Variants in SEMA3E observed in about 807,000 individuals in gnomAD.
The protein encoded by SEMA3E is semaphorin 3E, also known as semaphorin-3E.
In SEMA3E, 49 loss-of-function variants were observed where a neutral mutation model predicts 93.6. That is an observed-to-expected ratio of 0.52 (90% CI 0.42 to 0.66). The LOEUF (loss-of-function observed/expected upper bound fraction) is 0.66. SEMA3E is among the 30% of genes least tolerant of loss of function. SEMA3E has a pLI of 0.00. For synonymous variants in SEMA3E, 363 were observed against 330.7 expected, an observed-to-expected ratio of 1.10 and a Z score of -1.06; for missense variants, 906 against 964.8, an observed-to-expected ratio of 0.94 and a Z score of 0.81.
chr7:83,514,542 T>C (rs1790889733), intron 1 of SEMA3E, among the ~76,000 whole-genome samples: 1 of 152,114 alleles, frequency 6.6e-6, no homozygotes. Flanking sequence ...TGTTGGTTTT[T>C]AAAAAAAGAT....
At chr7:83,586,661 C>A (rs1219058804) in intron 1 of SEMA3E, among the ~76,000 whole-genome samples, 1 of 151,410 alleles carries the variant, frequency 6.6e-6, no homozygotes, top group African/African-American at 2.4e-5. Context: ...CCAAGACAAG[C>A]AGAAGAAGGG....
chr7:83,540,429 G>T (rs1401151777), intron 1 of SEMA3E, among the ~76,000 whole-genome samples: 2 of 152,020 alleles, frequency 1.3e-5, no homozygotes, highest in Non-Finnish European at 2.9e-5. Context: ...ATTGCTCTAA[G>T]AACATATATG....
chr7:83,539,713 A>G (rs1791478162), intron 1 of SEMA3E, among the ~76,000 whole-genome samples: 1 of 152,124 alleles, frequency 6.6e-6, no homozygotes, highest in Admixed American at 6.6e-5. Flanking sequence ...ATTTCTGCTA[A>G]GTTATCCTTC....
intron 16 of SEMA3E, among the ~76,000 whole-genome samples, chr7:83,378,871 T>C (rs1787714369): frequency 6.6e-6 from 1 of 151,806 alleles, no homozygotes; most frequent in South Asian, 2.1e-4. Flanking sequence ...AGGATTACCA[T>C]TCAATCTGGC....
At chr7:83,594,957 A>G (rs1424094714) in intron 1 of SEMA3E, among the ~76,000 whole-genome samples, 2 of 150,696 alleles carry the variant, frequency 1.3e-5, no homozygotes, top group East Asian at 4.0e-4. Flanking sequence ...CTTCTGGGAA[A>G]AAAAAAAAAA....
chr7:83,611,133 C>T (rs1793245616), intron 1 of SEMA3E, among the ~76,000 whole-genome samples: 2 of 151,016 alleles, frequency 1.3e-5, no homozygotes, highest in South Asian at 4.2e-4. Flanking sequence ...CTCTGCATCT[C>T]TATGGCAGCC....
rs548939711 is a variant in SEMA3E, at chr7:83,421,928, A to G, written c.457-3445T>C. On this transcript the variant is annotated intron_variant, in intron 4 of 16. Coordinates refer to ENST00000643230, the MANE Select transcript of SEMA3E (RefSeq NM_012431.3). ...CACGGTGGCTCACGCCTGTAATCCC[A>G]GCACTTTGGGAGGCCGAGGAAGGCA... Among the ~76,000 whole-genome samples, 11 of 152,344 alleles carry G rather than the reference A, an allele frequency of 7.2e-5. No homozygotes were observed. In the East Asian group the frequency reaches 2.1e-3, roughly 29 times the overall value.
At chr7:83,532,525 G>T (rs1791322129) in intron 1 of SEMA3E, among the ~76,000 whole-genome samples, 1 of 152,068 alleles carries the variant, frequency 6.6e-6, no homozygotes, top group African/African-American at 2.4e-5. Context: ...ACAGTACAGC[G>T]GGATGTAACC....
At chr7:83,629,656 C>T (rs1584375318) in intron 1 of SEMA3E, among the ~76,000 whole-genome samples, 1 of 152,242 alleles carries the variant, frequency 6.6e-6, no homozygotes, top group Admixed American at 6.5e-5. Flanking sequence ...GCTTGAGTGT[C>T]CCAGGTCACC....
At chr7:83,561,859 A>G (rs1792035832) in intron 1 of SEMA3E, among the ~76,000 whole-genome samples, 1 of 152,156 alleles carries the variant, frequency 6.6e-6, no homozygotes, top group African/African-American at 2.4e-5. Flanking sequence ...TTTAGCTTAG[A>G]TGAGTGTGAA....
At chr7:83,638,742 G>C (rs1387659862) in intron 1 of SEMA3E, among the ~76,000 whole-genome samples, 1 of 152,034 alleles carries the variant, frequency 6.6e-6, no homozygotes, top group East Asian at 1.9e-4. Context: ...CTTTTTTGTA[G>C]CATCCTTCCA....
chr7:83,499,611 G>C (rs1790556886), intron 1 of SEMA3E, among the ~76,000 whole-genome samples: 1 of 152,144 alleles, frequency 6.6e-6, no homozygotes, highest in African/African-American at 2.4e-5. Context: ...TCATGGCTGA[G>C]AGATGAAGGA....
At chr7:83,623,409 C>T (rs1445969142) in intron 1 of SEMA3E, among the ~76,000 whole-genome samples, 2 of 152,020 alleles carry the variant, frequency 1.3e-5, no homozygotes, top group Non-Finnish European at 2.9e-5. Flanking sequence ...AACATGAACC[C>T]ATTCTTATAA....
intron 4 of SEMA3E, among the ~76,000 whole-genome samples, chr7:83,423,662 C>A (rs560268438): frequency 7.8e-6 from 1 of 128,380 alleles, no homozygotes; most frequent in African/African-American, 2.7e-5. Flanking sequence ...CACCACCACG[C>A]CCGGCTAATT....
At chr7:83,488,196 C>A (rs1446042193) in intron 2 of SEMA3E, among the ~76,000 whole-genome samples, 1 of 151,882 alleles carries the variant, frequency 6.6e-6, no homozygotes, top group African/African-American at 2.4e-5. Flanking sequence ...AAAGGGGGAA[C>A]AATCTGACTT....
intron 16 of SEMA3E, among the ~76,000 whole-genome samples, chr7:83,375,655 C>T (rs1794810540): frequency 6.6e-6 from 1 of 151,994 alleles, no homozygotes; most frequent in South Asian, 2.1e-4. Context: ...ATTGGGCTTT[C>T]TGCATTACCA....
At chr7:83,562,809 A>C (rs1792059638) in intron 1 of SEMA3E, among the ~76,000 whole-genome samples, 1 of 152,092 alleles carries the variant, frequency 6.6e-6, no homozygotes, top group Admixed American at 6.6e-5. Flanking sequence ...TATCTCCAAA[A>C]AAGGAGAGAG....
chr7:83,391,791 A>T (rs1352615539), intron 14 of SEMA3E, among the ~76,000 whole-genome samples: 1 of 152,190 alleles, frequency 6.6e-6, no homozygotes, highest in Non-Finnish European at 1.5e-5. Flanking sequence ...AATAAAAATA[A>T]TTGAAATTAA....
chr7:83,598,627 G>A (rs539005178), intron 1 of SEMA3E, among the ~76,000 whole-genome samples: 9 of 152,230 alleles, frequency 5.9e-5, no homozygotes, highest in African/African-American at 1.4e-4. Flanking sequence ...TAATGCTAGC[G>A]GTTTGCTGCT....
Sources: allele counts gnomAD v4.1 joint callset (sites outside exome capture counted in the v4.1 genomes callset), GRCh38; gene constraint gnomAD v4.1.1; transcripts MANE v1.5; gene names NCBI Gene and HGNC (gene_info 2026-07-23, HGNC 2026-07-21).